Variants in STON1 observed in about 807,000 individuals in gnomAD.
STON1 encodes the protein stonin-1.
STON1 carries 79 observed loss-of-function variants against 60.9 expected under a neutral mutation model. The ratio of observed to expected loss-of-function variants is 1.30; its 90% CI spans 1.08 to 1.56. The LOEUF (loss-of-function observed/expected upper bound fraction) is 1.56. STON1 is among the 40% of genes most tolerant of loss of function. STON1 has a pLI of 0.00. For synonymous variants in STON1, 363 were observed against 306.9 expected, an observed-to-expected ratio of 1.18 and a Z score of -1.91; for missense variants, 1,166 against 858.9, an observed-to-expected ratio of 1.36 and a Z score of -4.47.
At chr2:48,593,480 G>T (rs1205647996) in intron 3 of STON1, among the ~76,000 whole-genome samples, 1 of 152,212 alleles carries the variant, frequency 6.6e-6, no homozygotes, top group Non-Finnish European at 1.5e-5. Flanking sequence ...TTACAGACAG[G>T]TGGTTCAGTT....
At chr2:48,595,199 G>A (rs1674729703) in intron 3 of STON1, 29 bp from the exon 4 acceptor site, 3 of 1,574,352 alleles carry the variant, frequency 1.9e-6, no homozygotes, top group South Asian at 2.2e-5. Context: ...ATTTGTTAAT[G>A]CTGCCTGTGT....
intron 1 of STON1, among the ~76,000 whole-genome samples, chr2:48,558,514 T>A (rs192907177): frequency 1.3e-5 from 2 of 152,214 alleles, no homozygotes; most frequent in Admixed American, 1.3e-4. Context: ...GCTCAGTGGC[T>A]TGTGGCCCAG....
chr2:48,575,264 C>G (rs1385325042), intron 1 of STON1, among the ~76,000 whole-genome samples: 1 of 152,214 alleles, frequency 6.6e-6, no homozygotes, highest in African/African-American at 2.4e-5. Flanking sequence ...ATCCATCCAT[C>G]AATTAACATT....
intron 1 of STON1, among the ~76,000 whole-genome samples, chr2:48,573,455 G>C (rs1356516228): frequency 6.6e-6 from 1 of 152,208 alleles, no homozygotes; most frequent in African/African-American, 2.4e-5. Context: ...AGTTGGAAAG[G>C]ACCACAGAGC....
At chr2:48,543,680 C>T (rs953082344) in intron 1 of STON1, among the ~76,000 whole-genome samples, 1 of 151,770 alleles carries the variant, frequency 6.6e-6, no homozygotes, top group African/African-American at 2.4e-5. Context: ...TATAGGCATA[C>T]ACCACCATGC....
chr2:48,579,769 G>T (rs2103908018), intron 1 of STON1, among the ~76,000 whole-genome samples: 1 of 152,218 alleles, frequency 6.6e-6, no homozygotes, highest in East Asian at 1.9e-4. Flanking sequence ...TTCTTTAGTG[G>T]TCTTCTGTCT....
At chr2:48,539,139 A>C (rs1671553462) in intron 1 of STON1, among the ~76,000 whole-genome samples, 1 of 152,060 alleles carries the variant, frequency 6.6e-6, no homozygotes, top group Non-Finnish European at 1.5e-5. Flanking sequence ...ACTGGTCTGA[A>C]ACTCCTGTCC....
intron 1 of STON1, among the ~76,000 whole-genome samples, chr2:48,549,760 C>G (rs1346201895): frequency 1.4e-5 from 2 of 145,302 alleles, no homozygotes. Flanking sequence ...TTGCAGCAAG[C>G]CAAGATTGTG....
intron 1 of STON1, among the ~76,000 whole-genome samples, chr2:48,556,750 A>AC (rs1279820951): frequency 4.7e-5 from 1 of 21,338 alleles, no homozygotes. Context: ...CGGGGGGCTG[A>AC]CCCCCCCACC....
chr2:48,570,099 C>T (rs926212672), intron 1 of STON1, among the ~76,000 whole-genome samples: 2 of 152,168 alleles, frequency 1.3e-5, no homozygotes, highest in East Asian at 1.9e-4. Flanking sequence ...CATTGGGAGG[C>T]CAAGGCAGAC....
intron 1 of STON1, among the ~76,000 whole-genome samples, chr2:48,544,299 A>G (rs1314658629): frequency 6.6e-6 from 1 of 152,164 alleles, no homozygotes; most frequent in African/African-American, 2.4e-5. Context: ...CTTCATGTAA[A>G]TATCTGTGGC....
At chr2:48,551,367 T>A (rs1014067935) in intron 1 of STON1, among the ~76,000 whole-genome samples, 5 of 152,302 alleles carry the variant, frequency 3.3e-5, no homozygotes, top group Non-Finnish European at 7.4e-5. Context: ...GGGTATGCAA[T>A]TGAGCTCATA....
chr2:48,580,734 T>G lies in STON1; in HGVS notation c.101T>G (p.Val34Gly), dbSNP rs777851219. Residue 34 changes from valine (V) to glycine (G), a missense_variant, in exon 2 of 4, where the codon GTC becomes GGC. Coordinates refer to ENST00000404752, the MANE Select transcript of STON1 (RefSeq NM_006873.4). ...AATTTTCCTCTGGAGAATCAAGGTG[T>G]CTGTAGACCAAATGGACTGAAGCTG... ...SKNFPLENQG[V>G]CRPNGLKLNL... 1 of 1,519,134 alleles carries G rather than the reference T, an allele frequency of 6.6e-7. No homozygotes were observed. The highest frequency in any genetic ancestry group is 8.8e-7 in the Non-Finnish European group (1 of 1,133,654). 94.1% of individuals were successfully genotyped at this position (1,519,134 alleles called of 1,614,324 possible). A position where few individuals can be genotyped will look rare whatever the true frequency, so the allele number is the denominator to read the frequency against.
At chr2:48,532,849 A>G (rs1361481853) in intron 1 of STON1, among the ~76,000 whole-genome samples, 1 of 152,214 alleles carries the variant, frequency 6.6e-6, no homozygotes. Flanking sequence ...GATGAGTTGG[A>G]AATATCAATA....
Position 48,555,440 on chromosome 2 carries a change from G to C in STON1, c.-47-25147G>C, listed in dbSNP as rs1389430671. 7.8e-5 allele frequency among the ~76,000 whole-genome samples: 7 copies of C among 90,160 alleles called. 1 individual carries two copies. The highest frequency in any genetic ancestry group is 1.2e-4 in the Non-Finnish European group (5 of 42,428). 59.1% of individuals were successfully genotyped at this position (90,160 alleles called of 152,430 possible). ...ACCTACCGGACGGGGCCACTGGCCG[G>C]GCAGGGGGGCTGACCCCCCCCACCT... On this transcript the variant is annotated intron_variant, in intron 1 of 3. Transcript: ENST00000404752.
intron 1 of STON1, among the ~76,000 whole-genome samples, chr2:48,550,689 A>T (rs187865212): frequency 1.3e-5 from 2 of 151,690 alleles, no homozygotes; most frequent in African/African-American, 2.4e-5. Flanking sequence ...CTCAAGGATG[A>T]TAACTGGTTA....
rs1671554383 is a variant in STON1, at chr2:48,539,158, T to C, written c.-48+8942T>C. Among the ~76,000 whole-genome samples the C allele has an allele frequency of 3.9e-5, 6 of 152,288 alleles. No homozygotes were observed. In the South Asian group the frequency reaches 1.2e-3, roughly 32 times the overall value. ...GTCTGAAACTCCTGTCCTCAGGTGA[T>C]CCTCTTGCCTCAGTCTTTGAAAGTG... On this transcript the variant is annotated intron_variant, in intron 1 of 3. Coordinates refer to ENST00000404752, the MANE Select transcript of STON1 (RefSeq NM_006873.4).
intron 1 of STON1, among the ~76,000 whole-genome samples, chr2:48,564,467 CTTCTTCTTCTTCTTTCTTCTTCTTCTTCT>C (rs1672771747): frequency 1.8e-5 from 1 of 55,906 alleles, no homozygotes; most frequent in Non-Finnish European, 3.8e-5. Flanking sequence ...TCTTCTTCTT[CTTCTTCTTCTTCTTTCTTCTTCTTCTTCT>C]TCTTCTTCTT....
chr2:48,556,184 C>T (rs868339482), intron 1 of STON1, among the ~76,000 whole-genome samples: 475 of 26,922 alleles, frequency 0.018, 47 homozygotes, highest in African/African-American at 0.062. Context: ...CCCCCCACCT[C>T]CCTCCTGGAC....
Sources: allele counts gnomAD v4.1 joint callset (sites outside exome capture counted in the v4.1 genomes callset), GRCh38; gene constraint gnomAD v4.1.1; transcripts MANE v1.5; gene names NCBI Gene and HGNC (gene_info 2026-07-23, HGNC 2026-07-21).